The following DGKB variants were observed in gnomAD, a reference collection of about 807,000 sequenced individuals.
DGKB encodes diacylglycerol kinase beta.
DGKB carries 67 observed loss-of-function variants against 114.3 expected under a neutral mutation model. That is an observed-to-expected ratio of 0.59 (90% CI 0.48 to 0.72). DGKB has a LOEUF of 0.72. Among genes scored for constraint, DGKB ranks in the 30% least tolerant of loss-of-function variants. DGKB has a pLI of 0.00. For synonymous variants in DGKB, 398 were observed against 323.1 expected (o/e 1.23, Z -2.49); for missense variants, 907 against 975.2 (o/e 0.93, Z 0.93).
intron 21 of DGKB, among the ~76,000 whole-genome samples, chr7:14,363,990 G>A (rs1292546974): frequency 6.6e-6 from 1 of 152,138 alleles, no homozygotes; most frequent in African/African-American, 2.4e-5. Context: ...ATTAAACACT[G>A]TATATAACCA....
At chr7:14,874,565 C>A (rs1045652357) in intron 1 of DGKB, among the ~76,000 whole-genome samples, 1 of 151,800 alleles carries the variant, frequency 6.6e-6, no homozygotes, top group Non-Finnish European at 1.5e-5. Flanking sequence ...CTCTCTCTCT[C>A]TTTTTCTATA....
intron 23 of DGKB, among the ~76,000 whole-genome samples, chr7:14,301,323 T>C (rs549382884): frequency 6.6e-6 from 1 of 152,188 alleles, no homozygotes; most frequent in South Asian, 2.1e-4. Flanking sequence ...TTCTTGGGCA[T>C]TGGTGTCTCT....
intron 5 of DGKB, among the ~76,000 whole-genome samples, chr7:14,732,332 C>T (rs1026823852): frequency 6.6e-6 from 1 of 151,828 alleles, no homozygotes; most frequent in Non-Finnish European, 1.5e-5. Flanking sequence ...CAGCATAAAC[C>T]AAACCAGATT....
chr7:14,489,347 T>C (rs1302211201), intron 20 of DGKB, among the ~76,000 whole-genome samples: 4 of 152,166 alleles, frequency 2.6e-5, no homozygotes, highest in Non-Finnish European at 5.9e-5. Context: ...TCACAGTAAA[T>C]TAGATATTTA....
intron 25 of DGKB, among the ~76,000 whole-genome samples, chr7:14,168,148 C>G (rs1451062749): frequency 6.6e-6 from 1 of 151,964 alleles, no homozygotes; most frequent in East Asian, 1.9e-4. Flanking sequence ...AATTTTAAAA[C>G]TGAAAAATAC....
intron 6 of DGKB, 55 bp from the exon 7 acceptor site, chr7:14,701,785 G>T: frequency 8.4e-7 from 1 of 1,191,188 alleles, no homozygotes; most frequent in Non-Finnish European, 1.3e-6. Context: ...ATCAATGTTA[G>T]TTTAAAGTAT....
At chr7:14,219,872 T>A (rs1258961540) in intron 23 of DGKB, among the ~76,000 whole-genome samples, 2 of 151,902 alleles carry the variant, frequency 1.3e-5, no homozygotes, top group South Asian at 2.1e-4. Context: ...AGATTTACCC[T>A]TGTTTTCGTC....
intron 1 of DGKB, among the ~76,000 whole-genome samples, chr7:14,859,043 A>C (rs537514958): frequency 6.6e-6 from 1 of 152,224 alleles, no homozygotes; most frequent in African/African-American, 2.4e-5. Context: ...CAGTAGAGAA[A>C]CCAAGAAAGA....
At chr7:14,374,066 A>G (rs1202612386) in intron 21 of DGKB, among the ~76,000 whole-genome samples, 2 of 151,688 alleles carry the variant, frequency 1.3e-5, no homozygotes, top group Middle Eastern at 3.4e-3. Context: ...TCCTCTTCCA[A>G]TCTCTCTCTC....
chr7:14,898,383 C>T (rs1010503288), intron 1 of DGKB, among the ~76,000 whole-genome samples: 2 of 152,004 alleles, frequency 1.3e-5, no homozygotes, highest in Admixed American at 1.3e-4. Context: ...TGGGTTCAAA[C>T]CCCGGCTCTA....
At chr7:14,452,278 G>T (rs1831641300) in intron 21 of DGKB, among the ~76,000 whole-genome samples, 1 of 151,922 alleles carries the variant, frequency 6.6e-6, no homozygotes, top group African/African-American at 2.4e-5. Flanking sequence ...TAATAATACG[G>T]ATCAATAGGT....
At chr7:14,889,374 A>G (rs1374408126) in intron 1 of DGKB, among the ~76,000 whole-genome samples, 1 of 151,658 alleles carries the variant, frequency 6.6e-6, no homozygotes, top group East Asian at 1.9e-4. Context: ...TCAGGACTAA[A>G]GGGCTAGCCC....
At chr7:14,800,681 AAT>A (rs1319809451) in intron 2 of DGKB, among the ~76,000 whole-genome samples, 10 of 152,180 alleles carry the variant, frequency 6.6e-5, no homozygotes, top group Admixed American at 6.5e-4. Flanking sequence ...TAGAGGGAGA[AAT>A]GCTTCTATCA....
At chr7:14,744,891 C>A (rs1057137170) in intron 4 of DGKB, among the ~76,000 whole-genome samples, 12 of 152,102 alleles carry the variant, frequency 7.9e-5, no homozygotes, top group Non-Finnish European at 1.8e-4. Flanking sequence ...AACCAACCAG[C>A]AATTTCTGGC....
At chr7:14,497,910 A>G (rs1044272060) in intron 20 of DGKB, among the ~76,000 whole-genome samples, 2 of 151,690 alleles carry the variant, frequency 1.3e-5, no homozygotes, top group African/African-American at 4.8e-5. Flanking sequence ...AGTGACACTC[A>G]TGGAAGGACA....
intron 17 of DGKB, among the ~76,000 whole-genome samples, chr7:14,602,107 G>A (rs1043260594): frequency 2.6e-5 from 4 of 151,996 alleles, no homozygotes; most frequent in African/African-American, 4.8e-5. Flanking sequence ...GTCCATTCTA[G>A]CAGCTATAAC....
chr7:14,200,505 T>C (rs6971997), intron 23 of DGKB, among the ~76,000 whole-genome samples: 31,516 of 152,038 alleles, frequency 0.21, 3,390 homozygotes, highest in East Asian at 0.37. Flanking sequence ...TTTTGTTTCT[T>C]CTTGATTAGG....
intron 25 of DGKB, among the ~76,000 whole-genome samples, chr7:14,166,462 C>T (rs6968446): frequency 0.46 from 70,370 of 152,002 alleles, 16,486 homozygotes; most frequent in African/African-American, 0.55. Context: ...AGTCAGCACG[C>T]AGGTAGTTCT....
intron 1 of DGKB, among the ~76,000 whole-genome samples, chr7:14,878,768 A>C (rs1367271957): frequency 1.4e-5 from 2 of 147,418 alleles, no homozygotes; most frequent in African/African-American, 5.0e-5. Flanking sequence ...AAAAAAAAAA[A>C]CAAAAAAAAA....
Sources: gnomAD v4.1 joint callset for allele counts (sites outside exome capture counted in the v4.1 genomes callset) on GRCh38, gnomAD v4.1.1 for gene constraint, MANE v1.5 for transcripts, NCBI Gene and HGNC (gene_info 2026-07-23, HGNC 2026-07-21) for gene names.